The following RNF20 variants were observed in gnomAD, a reference collection of about 807,000 sequenced individuals.
RNF20 encodes ring finger protein 20, also known as E3 ubiquitin-protein ligase BRE1A.
Under a neutral mutation model 126.2 loss-of-function variants are expected in RNF20, and 84 were observed. The ratio of observed to expected loss-of-function variants is 0.67; its 90% confidence interval spans 0.56 to 0.80. The LOEUF (loss-of-function observed/expected upper bound fraction) is 0.80. RNF20 is among the 30% of genes least tolerant of loss of function. RNF20 has a pLI of 0.00. For missense variants in RNF20, 869 were observed against 1,188.2 expected (o/e 0.73, Z 3.95); for synonymous variants, 400 against 414.3 (o/e 0.97, Z 0.42).
At chr9:101,542,479 CTTT>C (rs948013686) in intron 5 of RNF20, among the ~76,000 whole-genome samples, 1 of 152,184 alleles carries the variant, frequency 6.6e-6, no homozygotes. Flanking sequence ...GCTCACTCTT[CTTT>C]GTTTCTCTAG....
intron 2 of RNF20, among the ~76,000 whole-genome samples, chr9:101,538,382 G>A (rs549243651): frequency 4.5e-4 from 68 of 152,270 alleles, no homozygotes; most frequent in Middle Eastern, 3.4e-3. Context: ...TGAAATGTGA[G>A]GAAACGACGT....
chr9:101,550,380 A>G (rs1827423357), intron 9 of RNF20, among the ~76,000 whole-genome samples: 1 of 152,250 alleles, frequency 6.6e-6, no homozygotes. Flanking sequence ...TATCAAAACA[A>G]TTCTAGGAGG....
chr9:101,556,177 GC>G (rs761505555), intron 15 of RNF20, among the ~76,000 whole-genome samples: 13 of 152,066 alleles, frequency 8.5e-5, no homozygotes, highest in Non-Finnish European at 1.9e-4. Context: ...TCATAAAAGT[GC>G]TTTTTTTAAG....
chr9:101,560,239 G>C (rs546843548), intron 16 of RNF20, among the ~76,000 whole-genome samples: 1 of 152,138 alleles, frequency 6.6e-6, no homozygotes, highest in Non-Finnish European at 1.5e-5. Context: ...TGTATCCCTG[G>C]TGTGAGACCC....
rs753956279 is a variant in RNF20, at chr9:101,560,864, A to T, written c.2446A>T (p.Ile816Phe). The T allele has an allele frequency of 6.8e-6, 11 of 1,613,600 alleles. No individual in the cohort carries two copies. Reference protein sequence around the residue: ...EEKEHLLQSNIGTGEKELGLR... With the variant: ...EEKEHLLQSNFGTGEKELGLR... ...GAAGGAGCATCTGTTACAGAGCAACATTGGCACAGGGGAGAAAGAGCTGGG... is the reference window on the plus strand; with the variant it reads ...GAAGGAGCATCTGTTACAGAGCAACTTTGGCACAGGGGAGAAAGAGCTGGG... The change falls in exon 17 of 20, where the codon ATT becomes TTT. Residue 816 changes from isoleucine to phenylalanine, a missense_variant. Transcript: ENST00000389120.
chr9:101,557,631 A>G (rs750273166), intron 16 of RNF20, 35 bp downstream of exon 16: 1 of 1,471,232 alleles, frequency 6.8e-7, no homozygotes, highest in East Asian at 2.3e-5. Flanking sequence ...TATTCTGTTG[A>G]AATAGGGTGC....
At chr9:101,543,295 GCCAGGGCGGCACTGTCTAACCCTT>G (rs1554712374) in intron 5 of RNF20, among the ~76,000 whole-genome samples, 16 of 146,612 alleles carry the variant, frequency 1.1e-4, no homozygotes, top group South Asian at 4.5e-4. Context: ...GTCTAACCGT[GCCAGGGCGGCACTGTCTAACCCTT>G]CCAGGGCGGC....
chr9:101,555,790 A>T (rs1435170374), intron 15 of RNF20, among the ~76,000 whole-genome samples: 5 of 136,638 alleles, frequency 3.7e-5, no homozygotes, highest in African/African-American at 1.4e-4. Flanking sequence ...CATCACTATT[A>T]AAAAAAAAAA....
chr9:101,551,882 C>A, intron 11 of RNF20, 63 bp downstream of exon 11: 1 of 1,523,684 alleles, frequency 6.6e-7, no homozygotes, highest in Non-Finnish European at 8.8e-7. Flanking sequence ...AGATACAACA[C>A]AGACCCCAGG....
intron 9 of RNF20, among the ~76,000 whole-genome samples, chr9:101,550,232 C>G (rs962609842): frequency 6.6e-6 from 1 of 152,132 alleles, no homozygotes; most frequent in African/African-American, 2.4e-5. Context: ...ATTTTTGATA[C>G]CCTGTCAATT....
At chr9:101,542,416 C>G (rs1030554534) in intron 5 of RNF20, among the ~76,000 whole-genome samples, 6 of 152,186 alleles carry the variant, frequency 3.9e-5, no homozygotes, top group African/African-American at 1.4e-4. Flanking sequence ...GTATTAATAT[C>G]TTACATCTAC....
chr9:101,537,612 A>G (rs1187842569), intron 2 of RNF20, among the ~76,000 whole-genome samples: 2 of 152,204 alleles, frequency 1.3e-5, no homozygotes, highest in Non-Finnish European at 2.9e-5. Context: ...CTGGGGCACT[A>G]CAATATTTTC....
rs369046078 is a variant in RNF20, at chr9:101,552,751, C to G, written c.1899C>G (p.Leu633=). 6.2e-7 allele frequency: 1 copy of G among 1,601,986 alleles called. No individual in the cohort carries two copies. The highest frequency in any genetic ancestry group is 1.1e-5 in the South Asian group (1 of 88,474). Residue 633 remains leucine (L), a splice_region_variant and synonymous_variant, in exon 13 of 20, where the codon CTC becomes CTG. Transcript: ENST00000389120. ...AEIIKQLKIE[L]KKAQESQKEM... ...TTATCAAACAATTGAAGATTGAACT[C>G]AAGTAAGAACCACATTTAGAGTAAC...
At chr9:101,547,989 A>G (rs765271206) in intron 9 of RNF20, among the ~76,000 whole-genome samples, 11 of 152,390 alleles carry the variant, frequency 7.2e-5, no homozygotes, top group East Asian at 1.9e-4. Flanking sequence ...CAGAATCAAC[A>G]TACAAAAACA....
Position 101,540,632 on chromosome 9 carries a change from A to C in RNF20, c.440A>C (p.Glu147Ala). 6.2e-7 allele frequency: 1 copy of C among 1,614,118 alleles called. No individual in the cohort carries two copies. The highest frequency in any genetic ancestry group is 8.5e-7 in the Non-Finnish European group (1 of 1,180,028). ...AATCAGGAGCGTAAAGATGACCGAGAGAGAGGCAAGTGTTCGTGATGGATT... is the reference window on the plus strand; with the variant it reads ...AATCAGGAGCGTAAAGATGACCGAGCGAGAGGCAAGTGTTCGTGATGGATT... ...DSNQERKDDR[E>A]RGEGQEPAFS... Residue 147 changes from glutamate to alanine, a missense_variant, in exon 4 of 20, where the codon GAG (glutamate) becomes GCG (alanine). Glu to Ala is a moderately radical substitution (Grantham distance 107). Around this residue, in one of 8 missense-constraint regions of RNF20, gnomAD observed 157 missense variants for 236.0 expected, o/e 0.67. Coordinates refer to ENST00000389120, the MANE Select transcript of RNF20 (RefSeq NM_019592.7).
At chr9:101,558,246 G>C (rs1483046918) in intron 16 of RNF20, among the ~76,000 whole-genome samples, 1 of 152,056 alleles carries the variant, frequency 6.6e-6, no homozygotes, top group East Asian at 1.9e-4. Context: ...TCACAGCTTA[G>C]CTCCTACTTA....
Position 101,557,392 on chromosome 9 carries a change from A to G in RNF20, c.2178A>G (p.Glu726=), listed in dbSNP as rs1482530196. The G allele has an allele frequency of 1.2e-6, 2 of 1,612,122 alleles. No homozygotes were observed. Among genetic ancestry groups the G allele is most frequent in the Non-Finnish European group, 1.7e-6 (2 of 1,178,436 alleles). The change falls in exon 16 of 20, where the codon GAA becomes GAG. Residue 726 remains glutamate, a synonymous_variant. Transcript: ENST00000389120. The part of the protein sequence containing the change: ...KKLAMAKQEE[E]ALLSEMDVTG... ...CTTCCTTCATCCTTTAGGAAGAAGAAGCACTCCTCTCTGAAATGGATGTCA... is the reference window on the plus strand; with the variant it reads ...CTTCCTTCATCCTTTAGGAAGAAGAGGCACTCCTCTCTGAAATGGATGTCA...
At chr9:101,558,118 A>T (rs1013040488) in intron 16 of RNF20, among the ~76,000 whole-genome samples, 1 of 151,856 alleles carries the variant, frequency 6.6e-6, no homozygotes, top group African/African-American at 2.4e-5. Flanking sequence ...CCATAACCCA[A>T]GCAGTGTACA....
Position 101,554,720 on chromosome 9 carries a change from G to A in RNF20, c.2046G>A (p.Lys682=). Residue 682 remains lysine (K), a synonymous_variant, in exon 15 of 20, where the codon AAG becomes AAA. Coordinates refer to ENST00000389120, the MANE Select transcript of RNF20 (RefSeq NM_019592.7). ...TGGAAGATCTAAGGCAAAGACTCAA[G>A]GATCTGGAAGATAAAGAGAAGAAAG... is the stretch of plus-strand genomic sequence containing the variant. ...AELEDLRQRL[K]DLEDKEKKEN... 6.2e-7 allele frequency: 1 copy of A among 1,609,986 alleles called. No individual in the cohort carries two copies. Among genetic ancestry groups the A allele is most frequent in the South Asian group, 1.1e-5 (1 of 90,704 alleles).
Sources: allele counts gnomAD v4.1 joint callset (sites outside exome capture counted in the v4.1 genomes callset), GRCh38; gene constraint gnomAD v4.1.1; regional missense constraint gnomAD v4.1.1; transcripts MANE v1.5; gene names NCBI Gene and HGNC (gene_info 2026-07-23, HGNC 2026-07-21).